The following RGPD2 variants were observed in gnomAD, a reference collection of about 807,000 sequenced individuals.
RGPD2 encodes RANBP2-like and GRIP domain-containing protein 2.
A neutral mutation model predicts 36.0 loss-of-function variants in RGPD2; 2 were observed. That is an observed-to-expected ratio of 0.06 (90% confidence interval 0.02 to 0.17). RGPD2 has a LOEUF of 0.17. Ranked by LOEUF, RGPD2 falls within the 10% of genes least tolerant of loss-of-function variation. The probability of loss-of-function intolerance (pLI) is 1.00; values close to 1 mark genes in which losing one functional copy is unlikely to be tolerated. For synonymous variants in RGPD2, 19 were observed against 163.8 expected, an observed-to-expected ratio of 0.12 and a Z score of 6.75; for missense variants, 40 against 464.3, an observed-to-expected ratio of 0.09 and a Z score of 8.40.
At chr2:87,957,005 A>G in the RGPD2 span, among the ~76,000 whole-genome samples, 1 of 148,212 alleles carries the variant, frequency 6.7e-6, no homozygotes, top group African/African-American at 2.5e-5. Context: ...CTCCAAAGCC[A>G]TGGCTCAAGG....
chr2:87,824,794 G>GGCC (rs1248753223), intron 1 of RGPD2: 10 of 21,304 alleles, frequency 4.7e-4, no homozygotes, highest in African/African-American at 1.2e-3. Context: ...CCGAGGCCGA[G>GGCC]GCCGCCGCCG....
At chr2:87,826,917 A>G (rs1360339256), upstream of RGPD2, among the ~76,000 whole-genome samples, 1 of 119,166 alleles carries the variant, frequency 8.4e-6, no homozygotes, top group Non-Finnish European at 1.7e-5. Flanking sequence ...GTGGCTGCAT[A>G]AAGTCCCACG....
At chr2:87,875,814 T>A in the RGPD2 span, among the ~76,000 whole-genome samples, 1 of 152,270 alleles carries the variant, frequency 6.6e-6, no homozygotes, top group South Asian at 2.1e-4. Flanking sequence ...TTACCTCTGG[T>A]AGAATTCATC....
At chr2:87,836,802 G>A in the RGPD2 span, among the ~76,000 whole-genome samples, 324 of 152,170 alleles carry the variant, frequency 2.1e-3, no homozygotes, top group Non-Finnish European at 3.8e-3. Flanking sequence ...ATTGGGTAAA[G>A]CAGCCAAACA....
At chr2:87,878,932 G>A in the RGPD2 span, among the ~76,000 whole-genome samples, 4,220 of 152,108 alleles carry the variant, frequency 0.028, 86 homozygotes, top group African/African-American at 0.07. Flanking sequence ...TGACTGAATC[G>A]TATTCATTTT....
the RGPD2 span, among the ~76,000 whole-genome samples, chr2:87,915,382 A>T: frequency 8.3e-6 from 1 of 120,194 alleles, no homozygotes; most frequent in African/African-American, 3.1e-5. Flanking sequence ...TATTATATAT[A>T]TTGTATATAT....
chr2:87,945,152 T>G, the RGPD2 span, among the ~76,000 whole-genome samples: 1 of 152,204 alleles, frequency 6.6e-6, no homozygotes, highest in Non-Finnish European at 1.5e-5. Flanking sequence ...GTATTTAGAT[T>G]GTTTATGTGG....
At chr2:87,985,611 C>T in the RGPD2 span, 50 of 979,912 alleles carry the variant, frequency 5.1e-5, no homozygotes, top group South Asian at 8.5e-5. Context: ...ACCTTAATAT[C>T]ATTCTATTAT....
the RGPD2 span, among the ~76,000 whole-genome samples, chr2:87,978,834 C>T: frequency 7.0e-6 from 1 of 142,794 alleles, no homozygotes; most frequent in Non-Finnish European, 1.5e-5. Context: ...AGGAGGATGG[C>T]TTGAGCCTAT....
chr2:87,839,599 G>T, the RGPD2 span, among the ~76,000 whole-genome samples: 10 of 152,032 alleles, frequency 6.6e-5, no homozygotes, highest in Non-Finnish European at 1.5e-4. Flanking sequence ...CCATAATAAA[G>T]AAGAAAATTG....
chr2:87,988,541 A>ATATATATATATATT, the RGPD2 span, among the ~76,000 whole-genome samples: 27 of 54,148 alleles, frequency 5.0e-4, no homozygotes, highest in Non-Finnish European at 9.3e-4. Flanking sequence ...ATATATATAT[A>ATATATATATATATT]TTTTTTTTTT....
chr2:87,965,128 T>C, the RGPD2 span, among the ~76,000 whole-genome samples: 12 of 137,156 alleles, frequency 8.7e-5, no homozygotes, highest in African/African-American at 3.0e-4. Flanking sequence ...TGGCTTTTTG[T>C]ATCTCCATTT....
chr2:87,982,305 G>A, the RGPD2 span, among the ~76,000 whole-genome samples: 1 of 90,678 alleles, frequency 1.1e-5, no homozygotes, highest in East Asian at 3.4e-4. Context: ...TGTTTTGTTT[G>A]GGGTATATGT....
the RGPD2 span, among the ~76,000 whole-genome samples, chr2:87,847,122 G>C: frequency 6.6e-6 from 1 of 152,140 alleles, no homozygotes; most frequent in Non-Finnish European, 1.5e-5. Flanking sequence ...TGAATTTTTA[G>C]TATCTTTCCA....
At chr2:87,968,716 A>T in the RGPD2 span, 2 of 234,504 alleles carry the variant, frequency 8.5e-6, no homozygotes, top group East Asian at 1.4e-4. Flanking sequence ...GTGATTGACC[A>T]TTAAGAGCCT....
chr2:87,853,698 C>G, the RGPD2 span, among the ~76,000 whole-genome samples: 3 of 151,100 alleles, frequency 2.0e-5, no homozygotes, highest in Admixed American at 6.6e-5. Flanking sequence ...CCCAAATATA[C>G]TTGAGTAGCC....
chr2:87,918,757 T>C, the RGPD2 span, among the ~76,000 whole-genome samples: 1 of 151,058 alleles, frequency 6.6e-6, no homozygotes, highest in African/African-American at 2.4e-5. Flanking sequence ...TACTCAGTAA[T>C]AGAGACTCAG....
At chr2:87,985,289 A>T in the RGPD2 span, among the ~76,000 whole-genome samples, 1 of 151,418 alleles carries the variant, frequency 6.6e-6, no homozygotes, top group African/African-American at 2.4e-5. Context: ...TCCTCTTCAC[A>T]TCCCAAGCAA....
chr2:87,815,146 C>T lies in RGPD2; in HGVS notation c.402+1123G>A, dbSNP rs925431714. ...CTACACATGATAAAATGAAAGAAAA[C>T]TATATACATACACATTGTACCAATG... On this transcript the variant is annotated intron_variant, in intron 4 of 22. Transcript: ENST00000398146. Among the ~76,000 whole-genome samples, 12 of 147,924 alleles carry T rather than the reference C, an allele frequency of 8.1e-5. 3 individuals are homozygous for T. Among genetic ancestry groups the T allele is most frequent in the African/African-American group, 3.2e-4 (12 of 37,608 alleles).
Sources: gnomAD v4.1 joint callset for allele counts (sites outside exome capture counted in the v4.1 genomes callset) on GRCh38, gnomAD v4.1.1 for gene constraint, MANE v1.5 for transcripts, NCBI Gene and HGNC (gene_info 2026-07-23, HGNC 2026-07-21) for gene names.